The following ZNF417 variants were observed in gnomAD, a reference collection of about 807,000 sequenced individuals.
ZNF417 encodes zinc finger protein 417.
In ZNF417, 5 loss-of-function variants were observed where a neutral mutation model predicts 7.4. That is an observed-to-expected ratio of 0.68 (90% CI 0.35 to 1.43). The LOEUF is 1.43. Ranked by LOEUF, ZNF417 falls within the 40% of genes most tolerant of loss-of-function variation. The pLI is 0.04. For synonymous variants in ZNF417, 147 were observed against 239.1 expected (o/e 0.61, Z 3.55); for missense variants, 437 against 697.3 (o/e 0.63, Z 4.20).
In ZNF417 at chr19:57,908,981, C is replaced by G. The variant is rs1369936826; in HGVS notation, c.1297G>C (p.Glu433Gln). 1 of 1,613,802 alleles carries G rather than the reference C, an allele frequency of 6.2e-7. No individual in the cohort carries two copies. The highest frequency in any genetic ancestry group is 8.5e-7 in the Non-Finnish European group (1 of 1,179,952). ...CATTCCCTACAATTGTAAGGTCTTT[C>G]CCCAGTGTGAAGTCTCTGGTGTTCA... ...LTEHQRLHTG[E>Q]RPYNCRECGK... Residue 433 changes from glutamate (E) to glutamine (Q), a missense_variant, in exon 3 of 3, where the codon GAA becomes CAA. Physicochemically the swap from Glu to Gln is conservative, Grantham distance 29. This residue lies in a region of ZNF417 where 233 missense variants were observed against 235.5 expected (regional missense o/e 0.99). Transcript: ENST00000312026.
chr19:57,912,133 A>T lies in ZNF417; in HGVS notation c.90T>A (p.Cys30Ter), dbSNP rs772581785. ...AGCACCTCTGAGCCTCACTAAGAAG[A>T]CACCACTCCTCCTGGGAAAAGTTCA... ...VAVNFSQEEWCLLSEAQRCLY... is the reference protein window; with the variant it reads ...VAVNFSQEEW Residue 30 changes from cysteine (C) to a stop codon, truncating the protein, a stop_gained, in exon 2 of 3, where the codon TGT becomes TGA. Coordinates refer to ENST00000312026, the MANE Select transcript of ZNF417 (RefSeq NM_152475.3). LOFTEE classifies it high-confidence loss of function. The T allele has an allele frequency of 6.2e-7, 1 of 1,612,716 alleles. No individual in the cohort carries two copies.
intron 2 of ZNF417, among the ~76,000 whole-genome samples, chr19:57,911,801 G>C (rs1451423933): frequency 2.0e-5 from 3 of 152,192 alleles, no homozygotes; most frequent in Admixed American, 1.3e-4. Flanking sequence ...ACAGTCACCT[G>C]ACAGCCAGAG....
chr19:57,911,969 G>A, intron 2 of ZNF417, 91 bp downstream of exon 2: 2 of 1,506,332 alleles, frequency 1.3e-6, no homozygotes, highest in East Asian at 4.7e-5. Flanking sequence ...CTGTGTCCAG[G>A]CTCCTTAAGT....
chr19:57,916,259 G>C (rs1156830715), intron 1 of ZNF417, 120 bp downstream of exon 1: 1 of 1,573,960 alleles, frequency 6.4e-7, no homozygotes, highest in African/African-American at 1.4e-5. Context: ...TCCTGCGAGC[G>C]CCTCAGTGTT....
chr19:57,915,828 C>A (rs752430401), intron 1 of ZNF417, among the ~76,000 whole-genome samples: 10 of 152,174 alleles, frequency 6.6e-5, no homozygotes, highest in Non-Finnish European at 1.2e-4. Flanking sequence ...CAAGTTGCTC[C>A]TGAAGATAAA....
chr19:57,910,284 G>A (rs959798227), intron 2 of ZNF417, among the ~76,000 whole-genome samples, 170 bp from the exon 3 acceptor site: 1 of 152,162 alleles, frequency 6.6e-6, no homozygotes, highest in Non-Finnish European at 1.5e-5. Context: ...AGTGGCTCAC[G>A]CCTGTAATCC....
At chr19:57,911,496 T>C (rs2071898988) in intron 2 of ZNF417, among the ~76,000 whole-genome samples, 2 of 152,028 alleles carry the variant, frequency 1.3e-5, no homozygotes, top group African/African-American at 4.8e-5. Context: ...GGTCTCTCCA[T>C]CTCACACCCA....
chr19:57,910,769 C>T (rs534560983), intron 2 of ZNF417, among the ~76,000 whole-genome samples: 25 of 152,064 alleles, frequency 1.6e-4, no homozygotes, highest in African/African-American at 5.5e-4. Flanking sequence ...ATGGACTGGG[C>T]GCGGTGGCTC....
chr19:57,908,472 G>A lies in ZNF417; in HGVS notation c.*78C>T, dbSNP rs553473360. ...TTTCCCAGATTGACAGCACTCATAAGGCCTTTCTCCAGTATGAACTCTCCT... is the reference window on the plus strand; with the variant it reads ...TTTCCCAGATTGACAGCACTCATAAAGCCTTTCTCCAGTATGAACTCTCCT... On this transcript the variant is annotated 3_prime_UTR_variant, in exon 3 of 3. Transcript: ENST00000312026. 2.5e-6 allele frequency: 4 copies of A among 1,605,490 alleles called. No homozygotes were observed. The African/African-American group carries it at 5.3e-5, about 21-fold the overall frequency.
chr19:57,915,782 T>A, intron 1 of ZNF417: 1 of 411,136 alleles, frequency 2.4e-6, no homozygotes, highest in Non-Finnish European at 4.3e-6. Context: ...CGTTTAGGGG[T>A]CATGCAGCTT....
rs1442887950 is a variant in ZNF417 at position 57,908,460 on chromosome 19, C to T, written c.*90G>A. 1.2e-6 allele frequency: 2 copies of T among 1,600,210 alleles called. No individual in the cohort carries two copies. Among genetic ancestry groups the T allele is most frequent in the Non-Finnish European group, 1.7e-6 (2 of 1,170,610 alleles). On this transcript the variant is annotated 3_prime_UTR_variant, in exon 3 of 3. Transcript: ENST00000312026. The stretch of plus-strand genomic sequence containing the variant: ...GACATTCTGATGTTTCCCAGATTGA[C>T]AGCACTCATAAGGCCTTTCTCCAGT...
Position 57,907,736 on chromosome 19 carries a change from T to C in ZNF417, c.*814A>G, listed in dbSNP as rs1470192269. ...GGGCATGTGGCCCCTGAAAAAAGAT[T>C]CTGGATTCCATAATCTCACCTTGCT... On this transcript the variant is annotated 3_prime_UTR_variant, in exon 3 of 3. Coordinates refer to ENST00000312026, the MANE Select transcript of ZNF417 (RefSeq NM_152475.3). The C allele has an allele frequency of 7.2e-6, 1 of 138,702 alleles. No individual in the cohort carries two copies. The highest frequency in any genetic ancestry group is 1.7e-5 in the Non-Finnish European group (1 of 58,346). 8.6% of individuals were successfully genotyped at this position (138,702 alleles called of 1,614,324 possible).
At chr19:57,913,594 C>T (rs1473067298) in intron 1 of ZNF417, among the ~76,000 whole-genome samples, 1 of 152,186 alleles carries the variant, frequency 6.6e-6, no homozygotes, top group Non-Finnish European at 1.5e-5. Flanking sequence ...TTTATGAATC[C>T]AGACAGTGAT....
At chr19:57,912,803 G>A (rs145764120) in intron 1 of ZNF417, among the ~76,000 whole-genome samples, 1 of 151,856 alleles carries the variant, frequency 6.6e-6, no homozygotes, top group African/African-American at 2.4e-5. Context: ...TTGGTAGAGA[G>A]GGGGTTTCAC....
At position 57,908,843 on chromosome 19, in the gene ZNF417, C is replaced by A; in HGVS notation, c.1435G>T (p.Val479Leu). 1 of 1,614,072 alleles carries A rather than the reference C, an allele frequency of 6.2e-7. No individual in the cohort carries two copies. Among genetic ancestry groups the A allele is most frequent in the African/African-American group, 1.3e-5 (1 of 74,990 alleles). ...GTGTGAATCCTCTGATGTATAGTCA[C>A]GCAGTTCTTATTACCAAATAATTTC... is the stretch of plus-strand genomic sequence containing the variant. ...CGKLFGNKNCVTIHQRIHTGE... is the reference protein window; with the variant it reads ...CGKLFGNKNCLTIHQRIHTGE... Residue 479 changes from valine to leucine, a missense_variant, in exon 3 of 3, where the codon GTG becomes TTG. Physicochemically the swap from Val to Leu is conservative, Grantham distance 32. Coordinates refer to ENST00000312026, the MANE Select transcript of ZNF417 (RefSeq NM_152475.3).
chr19:57,908,846 A>G lies in ZNF417; in HGVS notation c.1432T>C (p.Cys478Arg). Residue 478 changes from cysteine to arginine, a missense_variant, in exon 3 of 3, where the codon TGC becomes CGC. Cys to Arg is a radical substitution (Grantham distance 180). This residue lies in a region of ZNF417 where 233 missense variants were observed against 235.5 expected (regional missense o/e 0.99). Transcript: ENST00000312026. ...VCGKLFGNKN[C>R]VTIHQRIHTG... Reference sequence around the variant, plus strand: ...TGAATCCTCTGATGTATAGTCACGCAGTTCTTATTACCAAATAATTTCCCA... The same window carrying G: ...TGAATCCTCTGATGTATAGTCACGCGGTTCTTATTACCAAATAATTTCCCA... 6.2e-7 allele frequency: 1 copy of G among 1,613,900 alleles called. No individual in the cohort carries two copies.
rs556850100 is a variant in ZNF417, at chr19:57,916,295, C to T, written c.33+84G>A. The T allele has an allele frequency of 4.7e-5, 75 of 1,610,860 alleles. No individual in the cohort carries two copies. The African/African-American group carries it at 8.4e-4, about 18-fold the overall frequency. On this transcript the variant is annotated intron_variant, in intron 1 of 2. Coordinates refer to ENST00000312026, the MANE Select transcript of ZNF417 (RefSeq NM_152475.3). ...CCTACGCCGGGTACCGGCTACAGAC[C>T]CGTGAGCAGGAGCCGCTCCCTCGCT...
intron 1 of ZNF417, among the ~76,000 whole-genome samples, chr19:57,915,974 A>C (rs1460661551): frequency 6.6e-6 from 1 of 152,196 alleles, no homozygotes; most frequent in Non-Finnish European, 1.5e-5. Context: ...AAACAGCATG[A>C]AAAACTCACT....
In ZNF417 at chr19:57,906,577, G is replaced by A. The variant is rs755518533; in HGVS notation, c.*1973C>T. 6.6e-6 allele frequency among the ~76,000 whole-genome samples: 1 copy of A among 151,322 alleles called. No homozygotes were observed. Among genetic ancestry groups the A allele is most frequent in the Non-Finnish European group, 1.5e-5 (1 of 67,842 alleles). On this transcript the variant is annotated 3_prime_UTR_variant, in exon 3 of 3. Transcript: ENST00000312026. The stretch of plus-strand genomic sequence containing the variant: ...CAAGTTTGAGACCAGCCTGGCTAAC[G>A]TAGTGAAAGCCCATCTCTACTAAAA...
Sources: gnomAD v4.1 joint callset for allele counts (sites outside exome capture counted in the v4.1 genomes callset) on GRCh38, gnomAD v4.1.1 for gene constraint, gnomAD v4.1.1 regional missense constraint, MANE v1.5 for transcripts, NCBI Gene and HGNC (gene_info 2026-07-23, HGNC 2026-07-21) for gene names.